ZGRF1: variants seen among roughly 807,000 people sequenced by gnomAD.
ZGRF1 encodes the protein zinc finger GRF-type containing 1.
ZGRF1 carries 196 observed loss-of-function variants against 203.5 expected under a neutral mutation model. The ratio of observed to expected loss-of-function variants is 0.96; its 90% CI spans 0.86 to 1.08. The LOEUF (loss-of-function observed/expected upper bound fraction) is 1.08, where lower values mean the gene tolerates loss of function less well. ZGRF1 is among the 50% of genes least tolerant of loss of function. The pLI, the probability that ZGRF1 is intolerant of heterozygous loss-of-function variation, is 0.00. For missense variants in ZGRF1, 2,326 were observed against 2,416.3 expected (o/e 0.96, Z 0.78); for synonymous variants, 809 against 841.3 (o/e 0.96, Z 0.66).
rs190549727 is a variant in ZGRF1 at position 112,603,899 on chromosome 4, G to A, written c.2803-202C>T. Reference sequence around the variant, plus strand: ...ATGGGTAACAAATTCAAAGTGCATCGATTTAACTACATTTAAGTTCAACAT... The same window carrying A: ...ATGGGTAACAAATTCAAAGTGCATCAATTTAACTACATTTAAGTTCAACAT... On this transcript the variant is annotated intron_variant, in intron 9 of 27. Transcript: ENST00000505019. 5.9e-5 allele frequency among the ~76,000 whole-genome samples: 9 copies of A among 152,146 alleles called. No homozygotes were observed. In the East Asian group the frequency reaches 1.2e-3, roughly 20 times the overall value.
At chr4:112,542,584 G>C (rs377567993) in intron 24 of ZGRF1, among the ~76,000 whole-genome samples, 1 of 152,032 alleles carries the variant, frequency 6.6e-6, no homozygotes, top group East Asian at 1.9e-4. Flanking sequence ...AGTTATTACA[G>C]ATGTTTTTGT....
At chr4:112,559,203 T>C (rs1223479681) in intron 19 of ZGRF1, among the ~76,000 whole-genome samples, 1 of 152,054 alleles carries the variant, frequency 6.6e-6, no homozygotes, top group East Asian at 1.9e-4. Flanking sequence ...TTTTTTTTTG[T>C]TTTGTTTTGT....
intron 10 of ZGRF1, among the ~76,000 whole-genome samples, chr4:112,601,659 G>A (rs973564294): frequency 3.3e-5 from 5 of 151,264 alleles, no homozygotes; most frequent in Admixed American, 2.0e-4. Flanking sequence ...GATTGCTTGA[G>A]TCCAAGAAGT....
chr4:112,547,924 G>C (rs535104297), intron 23 of ZGRF1, among the ~76,000 whole-genome samples: 1 of 152,156 alleles, frequency 6.6e-6, no homozygotes, highest in South Asian at 2.1e-4. Context: ...TCATGCTTCA[G>C]TATTATTATT....
At chr4:112,559,043 T>G (rs1220267434) in intron 19 of ZGRF1, among the ~76,000 whole-genome samples, 1 of 152,218 alleles carries the variant, frequency 6.6e-6, no homozygotes, top group Non-Finnish European at 1.5e-5. Context: ...ATAACTTTTC[T>G]ATATAACCTC....
At chr4:112,588,032 C>A (rs1212932727) in intron 11 of ZGRF1, 103 bp from the exon 12 acceptor site, 13 of 633,976 alleles carry the variant, frequency 2.1e-5, no homozygotes, top group Non-Finnish European at 2.9e-5. Flanking sequence ...GCAACTTGCT[C>A]TGAAAAAAAA....
chr4:112,576,217 C>T (rs989318608), intron 16 of ZGRF1, among the ~76,000 whole-genome samples: 2 of 152,206 alleles, frequency 1.3e-5, no homozygotes, highest in South Asian at 2.1e-4. Flanking sequence ...AGCTGAGGGT[C>T]CTGACTGTTA....
intron 8 of ZGRF1, among the ~76,000 whole-genome samples, chr4:112,606,847 A>T (rs1048526651): frequency 1.3e-5 from 2 of 152,210 alleles, no homozygotes; most frequent in African/African-American, 4.8e-5. Flanking sequence ...CACGATACTG[A>T]CAACAGCAAC....
intron 16 of ZGRF1, among the ~76,000 whole-genome samples, chr4:112,575,775 G>GC (rs1336057517): frequency 6.6e-6 from 1 of 152,206 alleles, no homozygotes; most frequent in African/African-American, 2.4e-5. Flanking sequence ...AAACAAAGTG[G>GC]CAGGAAGCTC....
intron 16 of ZGRF1, among the ~76,000 whole-genome samples, chr4:112,567,115 T>C (rs1425182519): frequency 6.6e-6 from 1 of 152,214 alleles, no homozygotes; most frequent in East Asian, 1.9e-4. Flanking sequence ...TTTTTCCTTT[T>C]AACCAGAGGT....
At chr4:112,610,788 T>G (rs1379524308) in intron 7 of ZGRF1, 1 of 155,942 alleles carries the variant, frequency 6.4e-6, no homozygotes, top group Non-Finnish European at 1.4e-5. Flanking sequence ...AGAGAACTAT[T>G]TGTCCAAAGC....
intron 1 of ZGRF1, among the ~76,000 whole-genome samples, chr4:112,636,383 T>A (rs1471881): frequency 0.6 from 91,848 of 151,972 alleles, 28,503 homozygotes; most frequent in East Asian, 0.95. Flanking sequence ...ATTTAAATAC[T>A]AGATATTTTT....
At chr4:112,567,717 C>T (rs992960564) in intron 16 of ZGRF1, among the ~76,000 whole-genome samples, 4 of 152,136 alleles carry the variant, frequency 2.6e-5, no homozygotes, top group South Asian at 2.1e-4. Flanking sequence ...CTTAAGCCCA[C>T]GAGTTCGAGA....
At chr4:112,583,308 T>C (rs1266863124) in intron 15 of ZGRF1, among the ~76,000 whole-genome samples, 3 of 152,244 alleles carry the variant, frequency 2.0e-5, no homozygotes, top group African/African-American at 4.8e-5. Flanking sequence ...ATAAGCTATG[T>C]AGTTCAGACA....
intron 8 of ZGRF1, among the ~76,000 whole-genome samples, chr4:112,608,384 C>T (rs1482797053): frequency 2.0e-5 from 3 of 152,000 alleles, no homozygotes; most frequent in South Asian, 2.1e-4. Flanking sequence ...TTTGGGAGGC[C>T]GAGGCAGGCG....
At chr4:112,600,919 C>A (rs572143930) in intron 10 of ZGRF1, among the ~76,000 whole-genome samples, 1 of 152,014 alleles carries the variant, frequency 6.6e-6, no homozygotes, top group African/African-American at 2.4e-5. Flanking sequence ...CCTCCATGAT[C>A]GCGATGGCCA....
chr4:112,628,595 A>C, intron 3 of ZGRF1: 1 of 456,126 alleles, frequency 2.2e-6, no homozygotes, highest in South Asian at 1.5e-5. Flanking sequence ...GGCGTTATTT[A>C]GGAAACAGTG....
chr4:112,576,510 A>G (rs1290474632), intron 16 of ZGRF1, among the ~76,000 whole-genome samples: 1 of 152,166 alleles, frequency 6.6e-6, no homozygotes, highest in African/African-American at 2.4e-5. Flanking sequence ...AACCCATGGC[A>G]AAGAAGTTAA....
Position 112,560,725 on chromosome 4 carries a change from C to T in ZGRF1, c.4960+8G>A, listed in dbSNP as rs372177547. The T allele has an allele frequency of 6.4e-6, 10 of 1,558,176 alleles. No homozygotes were observed. Among genetic ancestry groups the T allele is most frequent in the Non-Finnish European group, 7.0e-6 (8 of 1,148,028 alleles). ...ACAATTACAATTATTTTCTTTCTTG[C>T]TTCTTACCATGTATGATTGTGATAG... On this transcript the variant is annotated splice_region_variant and intron_variant, in intron 19 of 27. Coordinates refer to ENST00000505019, the MANE Select transcript of ZGRF1 (RefSeq NM_018392.5).
Sources: allele counts gnomAD v4.1 joint callset (sites outside exome capture counted in the v4.1 genomes callset), GRCh38; gene constraint gnomAD v4.1.1; transcripts MANE v1.5; gene names NCBI Gene and HGNC (gene_info 2026-07-23, HGNC 2026-07-21).